CCDC38: variants seen among roughly 807,000 people sequenced by gnomAD.
CCDC38 encodes the protein coiled-coil domain containing 38, also known as coiled-coil domain-containing protein 38.
In CCDC38, 69 loss-of-function variants were observed where a neutral mutation model predicts 72.8. That is an observed-to-expected ratio of 0.95 (90% CI 0.78 to 1.16). CCDC38 has a LOEUF of 1.16. CCDC38 is among the 50% of genes most tolerant of loss of function. CCDC38 has a pLI of 0.00. For missense variants in CCDC38, 626 were observed against 638.9 expected (o/e 0.98, Z 0.22); for synonymous variants, 201 against 213.2 (o/e 0.94, Z 0.50).
chr12:95,888,649 T>TA, intron 9 of CCDC38, 143 bp from the exon 10 acceptor site: 1 of 631,862 alleles, frequency 1.6e-6, no homozygotes, highest in Non-Finnish European at 2.8e-6. Flanking sequence ...TTTCTTTTTT[T>TA]AAAAAATTAT....
At chr12:95,932,872 T>C (rs1330795741) in intron 2 of CCDC38, among the ~76,000 whole-genome samples, 1 of 152,208 alleles carries the variant, frequency 6.6e-6, no homozygotes, top group Non-Finnish European at 1.5e-5. Flanking sequence ...TGTATCATTA[T>C]GGAGCTACAG....
At chr12:95,898,156 C>A (rs1389092027) in intron 7 of CCDC38, among the ~76,000 whole-genome samples, 1 of 152,198 alleles carries the variant, frequency 6.6e-6, no homozygotes, top group Admixed American at 6.5e-5. Context: ...AACTTCTTTG[C>A]TTCTGTATCT....
At chr12:95,893,312 C>T (rs2121462939) in intron 8 of CCDC38, among the ~76,000 whole-genome samples, 1 of 151,088 alleles carries the variant, frequency 6.6e-6, no homozygotes, top group Non-Finnish European at 1.5e-5. Context: ...TCTTTCCTTC[C>T]TTTTCCCTTC....
Position 95,872,271 on chromosome 12 carries a change from T to G in CCDC38, c.1468A>C (p.Lys490Gln). 2.5e-6 allele frequency: 4 copies of G among 1,614,214 alleles called. No homozygotes were observed. The highest frequency in any genetic ancestry group is 3.4e-6 in the Non-Finnish European group (4 of 1,180,026). Reference sequence around the variant, plus strand: ...TGACTGTACTTTTGCCGCCATTCTTTCTGTTTCATCCTCTCAATTGCCTCC... The same window carrying G: ...TGACTGTACTTTTGCCGCCATTCTTGCTGTTTCATCCTCTCAATTGCCTCC... The part of the protein sequence containing the change: ...NVEAIERMKQ[K>Q]EWRQKFRDEK... The change falls in exon 14 of 16, where the codon AAA (lysine) becomes CAA (glutamine). Residue 490 changes from lysine to glutamine, a missense_variant. By Grantham distance (53) the Lys-to-Gln change is moderately conservative. Coordinates refer to ENST00000344280, the MANE Select transcript of CCDC38 (RefSeq NM_182496.3).
At chr12:95,888,425 T>C in intron 10 of CCDC38, 33 bp downstream of exon 10, 1 of 1,594,514 alleles carries the variant, frequency 6.3e-7, no homozygotes, top group South Asian at 1.1e-5. Context: ...CCATTCCCAG[T>C]TTCCAAGGGA....
In CCDC38 at chr12:95,879,344, C is replaced by G. The variant is rs11108314; in HGVS notation, c.1142+300G>C. 6.6e-6 allele frequency among the ~76,000 whole-genome samples: 1 copy of G among 152,006 alleles called. No homozygotes were observed. The highest frequency in any genetic ancestry group is 2.1e-4 in the South Asian group (1 of 4,826). On this transcript the variant is annotated intron_variant, in intron 12 of 15. Coordinates refer to ENST00000344280, the MANE Select transcript of CCDC38 (RefSeq NM_182496.3). This position sits in a 1 kb window ranked among gnomAD's most constrained non-coding sequence, Gnocchi z 5.5. ...CCAAGTGATAGGGCGAAAACTATAC[C>G]GGACAAAAGTTAAGGCAGTAGGTAC...
intron 5 of CCDC38, among the ~76,000 whole-genome samples, chr12:95,902,425 A>G (rs1217512461): frequency 1.3e-5 from 2 of 152,100 alleles, no homozygotes; most frequent in Non-Finnish European, 2.9e-5. Flanking sequence ...TTCTGTCACT[A>G]TAGACGAACT....
intron 5 of CCDC38, among the ~76,000 whole-genome samples, 179 bp from the exon 6 acceptor site, chr12:95,898,910 A>C (rs1229707477): frequency 6.6e-6 from 1 of 152,326 alleles, no homozygotes; most frequent in South Asian, 2.1e-4. Context: ...GGGGAGACTA[A>C]TTTCCCTCCC....
intron 2 of CCDC38, chr12:95,919,333 G>C (rs376232943): frequency 2.8e-6 from 1 of 360,720 alleles, no homozygotes; most frequent in Admixed American, 3.7e-5. Flanking sequence ...CACAGTTTGA[G>C]CACTCAGCAG....
chr12:95,869,671 T>A, intron 14 of CCDC38, 98 bp from the exon 15 acceptor site: 1 of 833,606 alleles, frequency 1.2e-6, no homozygotes, highest in Non-Finnish European at 2.0e-6. Context: ...CTAGAAGACC[T>A]CCTTTAAAGG....
intron 10 of CCDC38, among the ~76,000 whole-genome samples, chr12:95,886,257 C>A (rs2079757876): frequency 6.6e-6 from 1 of 152,112 alleles, no homozygotes; most frequent in Admixed American, 6.6e-5. Context: ...AATTGACATA[C>A]ACAGGCAAAA....
chr12:95,925,172 G>A (rs1405639350), intron 2 of CCDC38, among the ~76,000 whole-genome samples: 2 of 152,176 alleles, frequency 1.3e-5, no homozygotes, highest in Admixed American at 6.5e-5. Flanking sequence ...CTATCCATGA[G>A]CATGGAATGT....
rs776477011 is a variant in CCDC38 at position 95,915,380 on chromosome 12, GTGT to G, written c.304+1746_304+1748del. Among the ~76,000 whole-genome samples, 23 of 152,266 alleles carry G rather than the reference GTGT, an allele frequency of 1.5e-4. No homozygotes were observed. The East Asian group carries it at 4.2e-3, about 28-fold the overall frequency. On this transcript the variant is annotated intron_variant, in intron 4 of 15. Coordinates refer to ENST00000344280, the MANE Select transcript of CCDC38 (RefSeq NM_182496.3). ...ACAGAGAGTCCTGCAACTATCCCAGGTGTTGTGCTTTGAGAGCAAAACCAGAGT... is the reference window on the plus strand; with the variant it reads ...ACAGAGAGTCCTGCAACTATCCCAGGTGTGCTTTGAGAGCAAAACCAGAGT...
At chr12:95,924,531 C>T (rs2080247023) in intron 2 of CCDC38, among the ~76,000 whole-genome samples, 2 of 148,096 alleles carry the variant, frequency 1.4e-5, no homozygotes, top group African/African-American at 4.9e-5. Flanking sequence ...TGTGCAGAAG[C>T]TCTTTAGTTT....
chr12:95,939,068 C>T (rs2080422717), intron 1 of CCDC38, among the ~76,000 whole-genome samples: 2 of 152,184 alleles, frequency 1.3e-5, no homozygotes, highest in Admixed American at 1.3e-4. Flanking sequence ...TTCAATTTCC[C>T]CATCTTTCAA....
At chr12:95,936,126 T>C (rs768024812) in intron 2 of CCDC38, among the ~76,000 whole-genome samples, 1 of 151,612 alleles carries the variant, frequency 6.6e-6, no homozygotes, top group South Asian at 2.1e-4. Flanking sequence ...AAATAAAAAA[T>C]AGGCAGAAGG....
At position 95,898,699 on chromosome 12, in the gene CCDC38, T is replaced by C. The variant is rs766814110; in HGVS notation, c.402A>G (p.Lys134=). The change falls in exon 6 of 16, where the codon AAA becomes AAG. Residue 134 remains lysine, a synonymous_variant. Transcript: ENST00000344280. ...YALSTKRNTI[K]KFEKDIAMRE... The stretch of plus-strand genomic sequence containing the variant: ...TCATTGCTATGTCTTTTTCAAACTT[T>C]TTGATTGTGTTTCTTTTGGTTGACA... The C allele has an allele frequency of 1.9e-6, 3 of 1,613,942 alleles. No individual in the cohort carries two copies. The South Asian group carries it at 3.3e-5, about 18-fold the overall frequency.
chr12:95,939,295 A>C (rs745458357), intron 1 of CCDC38, among the ~76,000 whole-genome samples: 1 of 152,194 alleles, frequency 6.6e-6, no homozygotes, highest in Non-Finnish European at 1.5e-5. Flanking sequence ...CCCCAGATGA[A>C]GCCAGAGAGA....
chr12:95,906,520 C>A (rs948304251), intron 4 of CCDC38, 69 bp from the exon 5 acceptor site: 2 of 1,080,454 alleles, frequency 1.9e-6, no homozygotes, highest in African/African-American at 1.6e-5. Context: ...AAAATAAAAG[C>A]CATATAATTA....
Sources: allele counts gnomAD v4.1 joint callset (sites outside exome capture counted in the v4.1 genomes callset), GRCh38; gene constraint gnomAD v4.1.1; non-coding constraint Gnocchi (gnomAD v3.1); transcripts MANE v1.5; gene names NCBI Gene and HGNC (gene_info 2026-07-23, HGNC 2026-07-21).